CLCA2: variants seen among roughly 807,000 people sequenced by gnomAD.
The protein encoded by CLCA2 is chloride channel accessory 2.
CLCA2 carries 85 observed loss-of-function variants against 82.9 expected under a neutral mutation model. That is an observed-to-expected ratio of 1.03 (90% CI 0.86 to 1.23). The LOEUF is 1.23. Among genes scored for constraint, CLCA2 ranks in the 50% most tolerant of loss-of-function variants. The pLI is 0.00. For missense variants in CLCA2, 1,089 were observed against 1,124.8 expected, an observed-to-expected ratio of 0.97 and a Z score of 0.45; for synonymous variants, 421 against 391.7, an observed-to-expected ratio of 1.07 and a Z score of -0.88.
intron 13 of CLCA2, among the ~76,000 whole-genome samples, chr1:86,453,964 A>G (rs1663024714): frequency 6.6e-6 from 1 of 152,234 alleles, no homozygotes; most frequent in Non-Finnish European, 1.5e-5. Flanking sequence ...TATATTTATC[A>G]GTAGGCTTTG....
intron 12 of CLCA2, among the ~76,000 whole-genome samples, chr1:86,451,528 A>ATT (rs138912550): frequency 0.052 from 7,938 of 152,204 alleles, 224 homozygotes; most frequent in Middle Eastern, 0.11. Context: ...AACACAGCCA[A>ATT]GATCCCTCCT....
At position 86,430,846 on chromosome 1, in the gene CLCA2, G is replaced by C. The variant is rs747759005; in HGVS notation, c.476-16G>C. On this transcript the variant is annotated splice_polypyrimidine_tract_variant and intron_variant, in intron 3 of 13. Transcript: ENST00000370565. The stretch of plus-strand genomic sequence containing the variant: ...AGATTTTAGAAGCTCAAAAGCAAAA[G>C]TTCTTTCTTCCGCAGGCCGAGTGTT... 1.2e-6 allele frequency: 2 copies of C among 1,605,906 alleles called. No homozygotes were observed. Among genetic ancestry groups the C allele is most frequent in the Admixed American group, 3.4e-5 (2 of 58,958 alleles).
At position 86,430,901 on chromosome 1, in the gene CLCA2, G is replaced by C; in HGVS notation, c.515G>C (p.Gly172Ala). ...FVHEWAHLRW[G>A]VFDEYNNDKP... Reference sequence around the variant, plus strand: ...CATGAATGGGCCCACCTCCGTTGGGGTGTGTTCGATGAGTATAACAATGAC... The same window carrying C: ...CATGAATGGGCCCACCTCCGTTGGGCTGTGTTCGATGAGTATAACAATGAC... Residue 172 changes from glycine (G) to alanine (A), a missense_variant, in exon 4 of 14, where the codon GGT becomes GCT. Physicochemically the swap from Gly to Ala is moderately conservative, Grantham distance 60 (BLOSUM62 0). Transcript: ENST00000370565. 1 of 1,613,826 alleles carries C rather than the reference G, an allele frequency of 6.2e-7. No homozygotes were observed. The highest frequency in any genetic ancestry group is 8.5e-7 in the Non-Finnish European group (1 of 1,179,860).
intron 2 of CLCA2, among the ~76,000 whole-genome samples, chr1:86,427,740 G>A (rs911344570): frequency 6.6e-6 from 1 of 151,952 alleles, no homozygotes; most frequent in African/African-American, 2.4e-5. Flanking sequence ...AAGAAACAAT[G>A]TTATATATAA....
intron 12 of CLCA2, among the ~76,000 whole-genome samples, chr1:86,451,138 A>G (rs969787): frequency 0.052 from 7,949 of 152,342 alleles, 225 homozygotes; most frequent in Middle Eastern, 0.11. Context: ...AACAGTCCAC[A>G]CAGGAAATGA....
intron 6 of CLCA2, among the ~76,000 whole-genome samples, chr1:86,436,688 G>A (rs912183211): frequency 2.0e-5 from 3 of 151,866 alleles, no homozygotes; most frequent in Admixed American, 2.0e-4. Flanking sequence ...ACCTGCAGTT[G>A]ACTAGGGCAT....
At position 86,450,607 on chromosome 1, in the gene CLCA2, T is replaced by G. The variant is rs1055723488; in HGVS notation, c.2029T>G (p.Phe677Val). The G allele has an allele frequency of 8.1e-6, 13 of 1,613,338 alleles. No homozygotes were observed. Among genetic ancestry groups the G allele is most frequent in the Non-Finnish European group, 1.0e-5 (12 of 1,179,562 alleles). The change falls in exon 12 of 14, where the codon TTC (phenylalanine) becomes GTC (valine). Residue 677 changes from phenylalanine to valine, a missense_variant. Phe to Val is a conservative substitution (Grantham distance 50). Transcript: ENST00000370565. ...TGATGGAATTTACTCGAGGTATTTT[T>G]TCTCCTTTGCTGCAAATGGTAGATA... Reference protein sequence around the residue: ...KNDGIYSRYFFSFAANGRYSL... With the variant: ...KNDGIYSRYFVSFAANGRYSL...
At position 86,455,149 on chromosome 1, in the gene CLCA2, T is replaced by C; in HGVS notation, c.2454T>C (p.Ala818=). Residue 818 remains alanine (A), a synonymous_variant, in exon 14 of 14, where the codon GCT becomes GCC. Coordinates refer to ENST00000370565, the MANE Select transcript of CLCA2 (RefSeq NM_006536.7). The part of the protein sequence containing the change: ...LQNIQDDFNN[A]ILVNTSKRNP... The stretch of plus-strand genomic sequence containing the variant: ...ATATCCAAGATGACTTTAACAATGC[T>C]ATTTTAGTAAATACATCAAAGCGAA... The C allele has an allele frequency of 6.2e-7, 1 of 1,611,428 alleles. No homozygotes were observed. Among genetic ancestry groups the C allele is most frequent in the South Asian group, 1.1e-5 (1 of 90,842 alleles).
chr1:86,438,738 T>C (rs1662662273), intron 6 of CLCA2, 138 bp from the exon 7 acceptor site: 2 of 682,604 alleles, frequency 2.9e-6, no homozygotes, highest in East Asian at 2.7e-5. Context: ...TAATATTATG[T>C]TACTCTTTAA....
At chr1:86,425,045 G>T (rs1338678415) in intron 1 of CLCA2, among the ~76,000 whole-genome samples, 1 of 152,140 alleles carries the variant, frequency 6.6e-6, no homozygotes, top group Non-Finnish European at 1.5e-5. Flanking sequence ...GTGCCCACAG[G>T]TGTGACATGA....
Position 86,444,879 on chromosome 1 carries a change from T to TTTGTTGTTGTTGTTG in CLCA2, c.1713+890_1713+904dup, listed in dbSNP as rs199948615. Among the ~76,000 whole-genome samples, 793 of 148,128 alleles carry TTTGTTGTTGTTGTTG rather than the reference T, an allele frequency of 5.4e-3. 2 individuals are homozygous for TTTGTTGTTGTTGTTG. The highest frequency in any genetic ancestry group is 9.6e-3 in the South Asian group (43 of 4,484). ...CCTCACATGCTGCCCCACCCCCACT[T>TTTGTTGTTGTTGTTG]TTGTTGTTGTTGTTGTTGTTGTTGT... On this transcript the variant is annotated intron_variant, in intron 10 of 13. Transcript: ENST00000370565.
At position 86,428,571 on chromosome 1, in the gene CLCA2, A is replaced by G. The variant is rs375527554; in HGVS notation, c.475+3A>G. The G allele has an allele frequency of 3.2e-5, 52 of 1,612,032 alleles. No homozygotes were observed. The highest frequency in any genetic ancestry group is 1.6e-4 in the Middle Eastern group (1 of 6,066). On this transcript the variant is annotated splice_donor_region_variant and intron_variant, in intron 3 of 13. Transcript: ENST00000370565. The stretch of plus-strand genomic sequence containing the variant: ...AACAGCTGGCTACGGATCACGAGGT[A>G]AGTGGGACCAATAAAACAATAGCCA...
chr1:86,454,882 G>T (rs1663041796), intron 13 of CLCA2, among the ~76,000 whole-genome samples: 1 of 117,666 alleles, frequency 8.5e-6, no homozygotes, highest in African/African-American at 3.4e-5. Flanking sequence ...GTTGAATCTT[G>T]CTTTTCAAAA....
chr1:86,428,638 A>G, intron 3 of CLCA2, 70 bp downstream of exon 3: 1 of 1,534,036 alleles, frequency 6.5e-7, no homozygotes, highest in African/African-American at 1.4e-5. Context: ...TGGTGCTGAA[A>G]GGGACTCACT....
intron 8 of CLCA2, among the ~76,000 whole-genome samples, 193 bp downstream of exon 8, chr1:86,440,518 T>G (rs1278658703): frequency 1.3e-5 from 2 of 152,196 alleles, no homozygotes; most frequent in Non-Finnish European, 2.9e-5. Flanking sequence ...AGGTTCCAAC[T>G]ATATACATCC....
chr1:86,426,651 C>A (rs976686029), intron 2 of CLCA2, among the ~76,000 whole-genome samples: 1 of 152,164 alleles, frequency 6.6e-6, no homozygotes, highest in Non-Finnish European at 1.5e-5. Context: ...AAATTAGTTT[C>A]TGTGATCACA....
chr1:86,426,267 GC>G (rs1158816003), intron 2 of CLCA2, among the ~76,000 whole-genome samples: 1 of 152,176 alleles, frequency 6.6e-6, no homozygotes, highest in African/African-American at 2.4e-5. Flanking sequence ...CAGGGTTTCA[GC>G]AATGGAGTGG....
intron 1 of CLCA2, 36 bp downstream of exon 1, chr1:86,424,469 A>G (rs1372017843): frequency 6.4e-7 from 1 of 1,564,256 alleles, no homozygotes; most frequent in Admixed American, 1.7e-5. Context: ...CTAGCATCCC[A>G]TTTGATCAGA....
Position 86,428,444 on chromosome 1 carries a change from T to G in CLCA2, c.351T>G (p.Tyr117Ter), listed in dbSNP as rs1662430112. 6.2e-7 allele frequency: 1 copy of G among 1,610,032 alleles called. No individual in the cohort carries two copies. The highest frequency in any genetic ancestry group is 1.1e-5 in the South Asian group (1 of 90,294). Reference protein sequence around the residue: ...EKANVIVTDWYGAHGDDPYTL... With the variant: ...EKANVIVTDW ...CAAATGTCATAGTGACTGACTGGTA[T>G]GGGGCACATGGAGATGATCCATACA... Residue 117 changes from tyrosine to a stop codon, truncating the protein, a stop_gained, in exon 3 of 14, where the codon TAT (tyrosine) becomes TAG (stop). Coordinates refer to ENST00000370565, the MANE Select transcript of CLCA2 (RefSeq NM_006536.7). LOFTEE classifies it high-confidence loss of function.
Sources: allele counts gnomAD v4.1 joint callset (sites outside exome capture counted in the v4.1 genomes callset), GRCh38; gene constraint gnomAD v4.1.1; transcripts MANE v1.5; gene names NCBI Gene and HGNC (gene_info 2026-07-23, HGNC 2026-07-21).